The following TP63 variants were observed in gnomAD, a reference collection of about 807,000 sequenced individuals.
The protein encoded by TP63 is tumor protein p63.
TP63 carries 17 observed loss-of-function variants against 82.8 expected under a neutral mutation model. The ratio of observed to expected loss-of-function variants is 0.21; its 90% CI spans 0.14 to 0.31. The LOEUF (loss-of-function observed/expected upper bound fraction) is 0.31. Among genes scored for constraint, TP63 ranks in the 10% least tolerant of loss-of-function variants. The pLI is 1.00. For synonymous variants in TP63, 330 were observed against 321.7 expected (o/e 1.03, Z -0.28); for missense variants, 648 against 895.3 (o/e 0.72, Z 3.52).
At chr3:189,769,374 A>C (rs1242067026) in intron 3 of TP63, among the ~76,000 whole-genome samples, 2 of 152,138 alleles carry the variant, frequency 1.3e-5, no homozygotes, top group Non-Finnish European at 2.9e-5. Context: ...TTCCTTTGAG[A>C]ATATTGGACA....
In TP63 at chr3:189,895,845, T is replaced by C. The variant is rs35659283; in HGVS notation, c.*1343T>C. 4.3e-3 allele frequency: 982 copies of C among 226,092 alleles called. 6 individuals carry two copies. The highest frequency in any genetic ancestry group is 0.021 in the African/African-American group (927 of 45,066). The allele number at this position is 226,092 out of a possible 1,614,324, so 14.0% of individuals were successfully genotyped here. On this transcript the variant is annotated 3_prime_UTR_variant, in exon 14 of 14. Coordinates refer to ENST00000264731, the MANE Select transcript of TP63 (RefSeq NM_003722.5). Reference sequence around the variant, plus strand: ...TTATGAGATTGGTTTTCCTGTGGCATAAATTGCATCACTGTATCATTTTCT... The same window carrying C: ...TTATGAGATTGGTTTTCCTGTGGCACAAATTGCATCACTGTATCATTTTCT...
At chr3:189,708,565 C>T (rs1053548681) in intron 1 of TP63, among the ~76,000 whole-genome samples, 7 of 152,082 alleles carry the variant, frequency 4.6e-5, no homozygotes, top group African/African-American at 1.2e-4. Context: ...CTTGTGGTAC[C>T]TGACATAAAT....
At chr3:189,792,950 G>A (rs191115387) in intron 3 of TP63, among the ~76,000 whole-genome samples, 6 of 152,156 alleles carry the variant, frequency 3.9e-5, no homozygotes, top group Non-Finnish European at 8.8e-5. Flanking sequence ...TAAAAGATAT[G>A]GGTGTGAGTT....
chr3:189,840,185 C>T (rs149459306), intron 4 of TP63, among the ~76,000 whole-genome samples: 57 of 152,020 alleles, frequency 3.7e-4, no homozygotes, highest in African/African-American at 9.6e-4. Context: ...TGAGTGTATA[C>T]GTACGGGTGG....
chr3:189,657,537 A>G (rs2108647201), intron 1 of TP63, among the ~76,000 whole-genome samples: 1 of 152,276 alleles, frequency 6.6e-6, no homozygotes, highest in African/African-American at 2.4e-5. Flanking sequence ...TCTTTGATGA[A>G]GCTTTTACCT....
chr3:189,758,192 C>T (rs891906351), intron 3 of TP63, among the ~76,000 whole-genome samples: 4 of 152,194 alleles, frequency 2.6e-5, no homozygotes, highest in African/African-American at 4.8e-5. Context: ...AGATCCCTCA[C>T]GTGAGCAGTT....
intron 3 of TP63, among the ~76,000 whole-genome samples, chr3:189,779,213 C>T (rs985617126): frequency 1.3e-5 from 2 of 152,196 alleles, no homozygotes. Flanking sequence ...AAATGCATCA[C>T]TCCTCGAGTA....
intron 4 of TP63, among the ~76,000 whole-genome samples, chr3:189,846,489 A>G (rs891102338): frequency 6.6e-6 from 1 of 152,148 alleles, no homozygotes; most frequent in Non-Finnish European, 1.5e-5. Context: ...ATTCTTGCCC[A>G]TGGGCTGGTG....
At chr3:189,818,041 A>T (rs1016488379) in intron 4 of TP63, among the ~76,000 whole-genome samples, 2 of 151,828 alleles carry the variant, frequency 1.3e-5, no homozygotes, top group Non-Finnish European at 2.9e-5. Context: ...AGAATTTGAT[A>T]ATTTGGGCTT....
chr3:189,629,207 A>C (rs948781226), upstream of TP63, among the ~76,000 whole-genome samples: 1 of 151,952 alleles, frequency 6.6e-6, no homozygotes, highest in Non-Finnish European at 1.5e-5. Flanking sequence ...GCAAGACCCC[A>C]TATCTAAAAA....
intron 4 of TP63, among the ~76,000 whole-genome samples, chr3:189,858,525 A>G (rs1716602701): frequency 6.6e-6 from 1 of 152,176 alleles, no homozygotes; most frequent in Admixed American, 6.5e-5. Flanking sequence ...CTGTAATCCC[A>G]GTACTTTGGG....
At chr3:189,808,851 A>G (rs533623951) in intron 4 of TP63, among the ~76,000 whole-genome samples, 1 of 152,362 alleles carries the variant, frequency 6.6e-6, no homozygotes, top group South Asian at 2.1e-4. Flanking sequence ...ATCATGGGAT[A>G]TGTGTTTACA....
intron 3 of TP63, among the ~76,000 whole-genome samples, chr3:189,773,535 C>T (rs1723532458): frequency 6.6e-6 from 1 of 152,220 alleles, no homozygotes; most frequent in Non-Finnish European, 1.5e-5. Context: ...TTCCTTTTAG[C>T]AGACCATGAC....
chr3:189,685,499 C>G (rs1459026333), intron 1 of TP63, among the ~76,000 whole-genome samples: 3 of 152,152 alleles, frequency 2.0e-5, no homozygotes. Flanking sequence ...CTTCCCGCAG[C>G]CAGCTTCTGT....
chr3:189,825,695 G>A (rs1198678462), intron 4 of TP63, among the ~76,000 whole-genome samples: 2 of 152,100 alleles, frequency 1.3e-5, no homozygotes, highest in African/African-American at 4.8e-5. Flanking sequence ...ACACATAATA[G>A]GAAATGCCTT....
chr3:189,663,467 G>A (rs62291707), intron 1 of TP63, among the ~76,000 whole-genome samples: 50,875 of 149,860 alleles, frequency 0.34, 8,952 homozygotes, highest in Non-Finnish European at 0.38. Context: ...ACAATTTCAG[G>A]CAAGATGAAC....
intron 7 of TP63, among the ~76,000 whole-genome samples, chr3:189,868,176 C>T (rs1717966330): frequency 6.6e-6 from 1 of 152,140 alleles, no homozygotes; most frequent in Non-Finnish European, 1.5e-5. Flanking sequence ...TCACTTCATA[C>T]CTGAATTCTT....
chr3:189,726,438 A>T (rs1466476750), intron 1 of TP63, among the ~76,000 whole-genome samples: 1 of 152,236 alleles, frequency 6.6e-6, no homozygotes, highest in Non-Finnish European at 1.5e-5. Context: ...ATAATTCATC[A>T]TATGACTATC....
At chr3:189,597,371 C>A in the TP63 span, among the ~76,000 whole-genome samples, 1 of 152,176 alleles carries the variant, frequency 6.6e-6, no homozygotes, top group Non-Finnish European at 1.5e-5. Context: ...AGGACTTACA[C>A]ATAGTCCAAA....
Sources: allele counts gnomAD v4.1 joint callset (sites outside exome capture counted in the v4.1 genomes callset), GRCh38; gene constraint gnomAD v4.1.1; transcripts MANE v1.5; gene names NCBI Gene and HGNC (gene_info 2026-07-23, HGNC 2026-07-21).